Variants in PDE7A observed in about 807,000 individuals in gnomAD.
The protein encoded by PDE7A is high affinity 3',5'-cyclic-AMP phosphodiesterase 7A.
Under a neutral mutation model 64.3 loss-of-function variants are expected in PDE7A, and 39 were observed. The ratio of observed to expected loss-of-function variants is 0.61; its 90% CI spans 0.47 to 0.79. The LOEUF (loss-of-function observed/expected upper bound fraction) is 0.79, where lower values mean the gene tolerates loss of function less well. Among genes scored for constraint, PDE7A ranks in the 30% least tolerant of loss-of-function variants. The pLI is 0.00. For synonymous variants in PDE7A, 203 were observed against 206.8 expected (o/e 0.98, Z 0.16); for missense variants, 470 against 582.8 (o/e 0.81, Z 1.99).
intron 1 of PDE7A, among the ~76,000 whole-genome samples, chr8:65,834,312 C>T (rs1159524147): frequency 3.9e-5 from 6 of 152,074 alleles, no homozygotes; most frequent in Non-Finnish European, 5.9e-5. Flanking sequence ...TTTTCTCTAG[C>T]TTGCTTTATT....
chr8:65,828,490 T>G (rs1810734341), intron 1 of PDE7A, among the ~76,000 whole-genome samples: 1 of 152,126 alleles, frequency 6.6e-6, no homozygotes, highest in Admixed American at 6.6e-5. Context: ...AATCCCCCAC[T>G]GATAAACACT....
rs554480626 is a variant in PDE7A at position 65,808,162 on chromosome 8, T to C, written c.139-25319A>G. Among the ~76,000 whole-genome samples the C allele has an allele frequency of 3.3e-5, 5 of 152,326 alleles. No homozygotes were observed. In the South Asian group the frequency reaches 1.0e-3, roughly 32 times the overall value. On this transcript the variant is annotated intron_variant, in intron 1 of 12. Transcript: ENST00000401827. ...TATAGAGAAGACTGGAATAGGAACA[T>C]TCAGTGCTAGTAGTTAAAATGAGCA...
At chr8:65,760,001 A>T (rs1175238008) in intron 3 of PDE7A, among the ~76,000 whole-genome samples, 2 of 152,176 alleles carry the variant, frequency 1.3e-5, no homozygotes, top group African/African-American at 4.8e-5. Context: ...GCACTTTGGG[A>T]GCCCGAGGCA....
At chr8:65,798,206 A>ATTTTTT (rs1554568896) in intron 1 of PDE7A, among the ~76,000 whole-genome samples, 11 of 73,810 alleles carry the variant, frequency 1.5e-4, no homozygotes, top group African/African-American at 5.2e-4. Flanking sequence ...ATATATATAT[A>ATTTTTT]TTTTTTTTTT....
chr8:65,798,206 A>ATATATATTT, intron 1 of PDE7A, among the ~76,000 whole-genome samples: 13 of 73,832 alleles, frequency 1.8e-4, no homozygotes, highest in East Asian at 7.3e-4. Context: ...ATATATATAT[A>ATATATATTT]TTTTTTTTTT....
At chr8:65,809,274 G>A (rs1056100427) in intron 1 of PDE7A, among the ~76,000 whole-genome samples, 3 of 152,068 alleles carry the variant, frequency 2.0e-5, no homozygotes, top group Non-Finnish European at 2.9e-5. Flanking sequence ...TATAACAACC[G>A]TATTTTGTTC....
chr8:65,781,194 T>A (rs1397792772), intron 2 of PDE7A, among the ~76,000 whole-genome samples: 1 of 152,084 alleles, frequency 6.6e-6, no homozygotes, highest in Non-Finnish European at 1.5e-5. Context: ...AAAGGAGGCA[T>A]CTGGGCAGGG....
chr8:65,824,547 A>C (rs1425652786), intron 1 of PDE7A, among the ~76,000 whole-genome samples: 1 of 152,198 alleles, frequency 6.6e-6, no homozygotes, highest in Non-Finnish European at 1.5e-5. Context: ...GGGAAAGTCC[A>C]TCAATGCAGC....
chr8:65,774,228 C>A (rs1053473866), intron 3 of PDE7A, among the ~76,000 whole-genome samples: 1 of 152,166 alleles, frequency 6.6e-6, no homozygotes, highest in African/African-American at 2.4e-5. Flanking sequence ...ACCCCACTAT[C>A]GCTGAAGTAT....
chr8:65,818,790 C>T (rs1810473521), intron 1 of PDE7A, among the ~76,000 whole-genome samples: 2 of 152,224 alleles, frequency 1.3e-5, no homozygotes, highest in African/African-American at 4.8e-5. Context: ...CCAAACACTA[C>T]TGAATCTTCA....
intron 3 of PDE7A, among the ~76,000 whole-genome samples, 170 bp from the exon 4 acceptor site, chr8:65,747,973 T>A (rs891078092): frequency 6.6e-6 from 1 of 152,204 alleles, no homozygotes. Flanking sequence ...TTTATTTTTT[T>A]AAGTGAGTTC....
At chr8:65,761,705 T>G (rs1808502779) in intron 3 of PDE7A, among the ~76,000 whole-genome samples, 1 of 152,236 alleles carries the variant, frequency 6.6e-6, no homozygotes, top group Non-Finnish European at 1.5e-5. Context: ...TGATCACGGG[T>G]ATTACTTCCA....
chr8:65,768,161 C>T (rs961512401), intron 3 of PDE7A, among the ~76,000 whole-genome samples: 1 of 152,168 alleles, frequency 6.6e-6, no homozygotes, highest in African/African-American at 2.4e-5. Flanking sequence ...GGTGTGAGAG[C>T]AGAGGGAAAA....
intron 3 of PDE7A, among the ~76,000 whole-genome samples, chr8:65,765,380 T>G (rs376907679): frequency 4.8e-5 from 7 of 144,896 alleles, no homozygotes; most frequent in Admixed American, 3.5e-4. Context: ...TCCCAGCTAC[T>G]CGGGAGGCTG....
intron 1 of PDE7A, among the ~76,000 whole-genome samples, chr8:65,833,770 C>T (rs1041531637): frequency 1.3e-5 from 2 of 152,202 alleles, no homozygotes; most frequent in East Asian, 3.9e-4. Context: ...TCCAGACCAG[C>T]ATGGGCAACA....
intron 3 of PDE7A, among the ~76,000 whole-genome samples, chr8:65,756,322 AT>A (rs1197537817): frequency 6.6e-6 from 1 of 151,980 alleles, no homozygotes; most frequent in Non-Finnish European, 1.5e-5. Flanking sequence ...TGGGAAGTTT[AT>A]TTTTTCAAAT....
At chr8:65,805,448 G>T (rs913152241) in intron 1 of PDE7A, among the ~76,000 whole-genome samples, 1 of 152,198 alleles carries the variant, frequency 6.6e-6, no homozygotes, top group Admixed American at 6.5e-5. Context: ...AAAATATGGT[G>T]CTGTAGAGGC....
At chr8:65,808,841 G>C (rs1810173548) in intron 1 of PDE7A, among the ~76,000 whole-genome samples, 1 of 152,084 alleles carries the variant, frequency 6.6e-6, no homozygotes, top group South Asian at 2.1e-4. Context: ...TCTTAAACTG[G>C]GTGATTCTTT....
chr8:65,791,206 G>A (rs568263966), intron 1 of PDE7A, among the ~76,000 whole-genome samples: 1 of 152,212 alleles, frequency 6.6e-6, no homozygotes, highest in African/African-American at 2.4e-5. Context: ...TCACTGAAAT[G>A]AATTTCTATC....
Sources: gnomAD v4.1 joint callset for allele counts (sites outside exome capture counted in the v4.1 genomes callset) on GRCh38, gnomAD v4.1.1 for gene constraint, MANE v1.5 for transcripts, NCBI Gene and HGNC (gene_info 2026-07-23, HGNC 2026-07-21) for gene names.